Variants in AFF3 observed in about 807,000 individuals in gnomAD.
AFF3 encodes the protein ALF transcription elongation factor 3.
In AFF3, 32 loss-of-function variants were observed where a neutral mutation model predicts 129.7. The observed-to-expected ratio is 0.25, with a 90% confidence interval of 0.19 to 0.33. The LOEUF (loss-of-function observed/expected upper bound fraction) is 0.33, where lower values mean the gene tolerates loss of function less well. AFF3 is among the 10% of genes least tolerant of loss of function. The pLI is 1.00. For missense variants in AFF3, 1,373 were observed against 1,592.0 expected (o/e 0.86, Z 2.34); for synonymous variants, 644 against 635.4 (o/e 1.01, Z -0.20).
At chr2:99,655,598 G>A (rs1411297603) in intron 12 of AFF3, among the ~76,000 whole-genome samples, 1 of 152,088 alleles carries the variant, frequency 6.6e-6, no homozygotes, top group Non-Finnish European at 1.5e-5. Flanking sequence ...AATCCCAAGG[G>A]TTTTAGACAT....
chr2:100,003,555 C>T (rs56909870), intron 7 of AFF3, among the ~76,000 whole-genome samples: 21,245 of 152,126 alleles, frequency 0.14, 2,126 homozygotes, highest in East Asian at 0.5. Context: ...AAAACTGAGT[C>T]GGAAAAAGCC....
intron 12 of AFF3, among the ~76,000 whole-genome samples, chr2:99,661,158 T>C (rs1209180312): frequency 6.6e-6 from 1 of 152,130 alleles, no homozygotes; most frequent in Non-Finnish European, 1.5e-5. Context: ...AAAAAACCAT[T>C]GAAGTCATGG....
At chr2:100,137,394 G>T (rs1209586812) in intron 1 of AFF3, among the ~76,000 whole-genome samples, 1 of 152,178 alleles carries the variant, frequency 6.6e-6, no homozygotes, top group East Asian at 1.9e-4. Context: ...AAAAAATATT[G>T]CCATGGTATT....
At chr2:99,872,994 G>GA (rs1691997625) in intron 7 of AFF3, among the ~76,000 whole-genome samples, 1 of 152,170 alleles carries the variant, frequency 6.6e-6, no homozygotes, top group Non-Finnish European at 1.5e-5. Flanking sequence ...TCATTTCTGG[G>GA]AAAAGGTCTG....
rs564815135 is a variant in AFF3, at chr2:100,081,723, AT to A, written c.53+22678del. 3.2e-3 allele frequency among the ~76,000 whole-genome samples: 487 copies of A among 152,324 alleles called. 2 individuals are homozygous for A. The highest frequency in any genetic ancestry group is 0.011 in the African/African-American group (472 of 41,582). Reference sequence around the variant, plus strand: ...CATTGGGGGAAAACTCTTCTGATTTATTGAGGGTTGAGTGTAAGGTACTGTC... The same window carrying A: ...CATTGGGGGAAAACTCTTCTGATTTATGAGGGTTGAGTGTAAGGTACTGTC... On this transcript the variant is annotated intron_variant, in intron 4 of 24. Coordinates refer to ENST00000672756, the MANE Select transcript of AFF3 (RefSeq NM_001386135.1).
chr2:99,681,645 C>T (rs999622571), intron 11 of AFF3, among the ~76,000 whole-genome samples: 5 of 152,144 alleles, frequency 3.3e-5, no homozygotes, highest in Non-Finnish European at 7.3e-5. Context: ...TCCTTTCCAC[C>T]GTATGAGGAC....
At chr2:99,687,976 G>A (rs1345168414) in intron 11 of AFF3, among the ~76,000 whole-genome samples, 1 of 152,098 alleles carries the variant, frequency 6.6e-6, no homozygotes, top group Non-Finnish European at 1.5e-5. Context: ...CTGAGTAGCT[G>A]GAACTACAGG....
chr2:99,758,674 C>T (rs556506137), intron 8 of AFF3, among the ~76,000 whole-genome samples: 1 of 151,526 alleles, frequency 6.6e-6, no homozygotes, highest in South Asian at 2.1e-4. Context: ...GATGATGGCT[C>T]CTATTAAGTT....
At chr2:99,577,052 G>A (rs1052730557) in intron 18 of AFF3, among the ~76,000 whole-genome samples, 3 of 152,106 alleles carry the variant, frequency 2.0e-5, no homozygotes, top group African/African-American at 7.2e-5. Flanking sequence ...AAACACACAT[G>A]CCCTCCTGGG....
chr2:99,579,635 G>T (rs546497936), intron 17 of AFF3, among the ~76,000 whole-genome samples: 9 of 152,056 alleles, frequency 5.9e-5, no homozygotes, highest in Non-Finnish European at 1.3e-4. Context: ...CAGGAGAATC[G>T]TTTGAACCTG....
At chr2:99,699,631 T>C (rs1357008292) in intron 11 of AFF3, among the ~76,000 whole-genome samples, 1 of 152,200 alleles carries the variant, frequency 6.6e-6, no homozygotes, top group African/African-American at 2.4e-5. Context: ...TGGCACAGGC[T>C]TCCTTCAGCT....
intron 4 of AFF3, among the ~76,000 whole-genome samples, chr2:100,067,453 G>A (rs1687824331): frequency 2.0e-5 from 3 of 152,146 alleles, no homozygotes; most frequent in Admixed American, 2.0e-4. Context: ...AATCCTTTCT[G>A]AGTGATCAGT....
chr2:100,034,815 G>T (rs577286384), intron 4 of AFF3, among the ~76,000 whole-genome samples: 4 of 152,064 alleles, frequency 2.6e-5, no homozygotes, highest in African/African-American at 9.7e-5. Context: ...GTTCCATCAA[G>T]GTCACTCAAG....
At chr2:99,574,079 C>T (rs751573362) in intron 18 of AFF3, among the ~76,000 whole-genome samples, 13 of 152,178 alleles carry the variant, frequency 8.5e-5, no homozygotes, top group Non-Finnish European at 1.5e-4. Flanking sequence ...ATTATGATAC[C>T]AAGTAACTTA....
At chr2:99,672,072 A>C (rs1687189377) in intron 12 of AFF3, among the ~76,000 whole-genome samples, 1 of 152,028 alleles carries the variant, frequency 6.6e-6, no homozygotes, top group Non-Finnish European at 1.5e-5. Context: ...TCTCAATGTT[A>C]ATAATATCTG....
At chr2:99,776,264 T>C (rs1050890288) in intron 8 of AFF3, among the ~76,000 whole-genome samples, 3 of 152,162 alleles carry the variant, frequency 2.0e-5, no homozygotes, top group African/African-American at 7.2e-5. Flanking sequence ...TTCAAGAAAT[T>C]AAAACAAAGG....
intron 7 of AFF3, among the ~76,000 whole-genome samples, chr2:99,946,558 T>A (rs1271243207): frequency 7.2e-6 from 1 of 138,664 alleles, no homozygotes; most frequent in African/African-American, 2.7e-5. Flanking sequence ...GGGTTCAGGA[T>A]ACCCCACTGT....
At chr2:99,988,831 T>C (rs1680097557) in intron 7 of AFF3, among the ~76,000 whole-genome samples, 1 of 152,130 alleles carries the variant, frequency 6.6e-6, no homozygotes, top group South Asian at 2.1e-4. Context: ...TGTAACATGA[T>C]CTGATTTATT....
intron 7 of AFF3, among the ~76,000 whole-genome samples, chr2:99,863,188 T>A (rs1691129015): frequency 1.3e-5 from 2 of 152,258 alleles, no homozygotes; most frequent in Admixed American, 1.3e-4. Context: ...TTTTTACAGA[T>A]GGATGTTTCT....
Sources: allele counts gnomAD v4.1 joint callset (sites outside exome capture counted in the v4.1 genomes callset), GRCh38; gene constraint gnomAD v4.1.1; transcripts MANE v1.5; gene names NCBI Gene and HGNC (gene_info 2026-07-23, HGNC 2026-07-21).